The following ENPP1 variants were observed in gnomAD, a reference collection of about 807,000 sequenced individuals.
ENPP1 encodes the protein ectonucleotide pyrophosphatase/phosphodiesterase family member 1.
In ENPP1, 73 loss-of-function variants were observed where a neutral mutation model predicts 122.8. That is an observed-to-expected ratio of 0.59 (90% CI 0.49 to 0.72). ENPP1 has a LOEUF of 0.72. ENPP1 is among the 30% of genes least tolerant of loss of function. The pLI is 0.00. For missense variants in ENPP1, 978 were observed against 1,128.1 expected (o/e 0.87, Z 1.91); for synonymous variants, 367 against 391.6 (o/e 0.94, Z 0.74).
intron 14 of ENPP1, 95 bp from the exon 15 acceptor site, chr6:131,872,828 A>G (rs1340328640): frequency 1.6e-6 from 2 of 1,260,084 alleles, no homozygotes; most frequent in Non-Finnish European, 2.3e-6. Context: ...TATTAGGGAA[A>G]TATCTTTCCC....
chr6:131,884,934 T>G lies in ENPP1; in HGVS notation c.2315T>G (p.Ile772Arg). 6.2e-7 allele frequency: 1 copy of G among 1,614,174 alleles called. No homozygotes were observed. The highest frequency in any genetic ancestry group is 8.5e-7 in the Non-Finnish European group (1 of 1,180,008). The change falls in exon 23 of 25, where the codon ATA becomes AGA. Residue 772 changes from isoleucine to arginine, a missense_variant. Physicochemically the swap from Ile to Arg is moderately conservative, Grantham distance 97 (BLOSUM62 -3). Coordinates refer to ENST00000647893, the MANE Select transcript of ENPP1 (RefSeq NM_006208.3). ...IVPMYQSFQV[I>R]WRYFHDTLLR... ...ACTGGCTTCTATCTTGTTTCAGTTATATGGCGCTACTTTCATGACACCCTA... is the reference window on the plus strand; with the variant it reads ...ACTGGCTTCTATCTTGTTTCAGTTAGATGGCGCTACTTTCATGACACCCTA...
chr6:131,889,162 T>A (rs1321785081), intron 24 of ENPP1, among the ~76,000 whole-genome samples: 1 of 152,236 alleles, frequency 6.6e-6, no homozygotes, highest in African/African-American at 2.4e-5. Flanking sequence ...TCAAGACTTA[T>A]ATGTTAAATA....
At chr6:131,821,866 T>G (rs1230265511) in intron 1 of ENPP1, among the ~76,000 whole-genome samples, 3 of 152,174 alleles carry the variant, frequency 2.0e-5, no homozygotes, top group Non-Finnish European at 4.4e-5. Context: ...TACCAACGCT[T>G]TTTCAGGTGA....
At chr6:131,880,122 T>C in intron 20 of ENPP1, 88 bp downstream of exon 20, 1 of 1,351,178 alleles carries the variant, frequency 7.4e-7, no homozygotes, top group African/African-American at 1.4e-5. Context: ...CTGTTCACCT[T>C]GGCTTTATAC....
intron 1 of ENPP1, among the ~76,000 whole-genome samples, chr6:131,815,718 T>G (rs1042512151): frequency 4.6e-5 from 7 of 151,680 alleles, no homozygotes; most frequent in African/African-American, 1.7e-4. Flanking sequence ...TTTTTTTTTT[T>G]GAAACGGAGT....
In ENPP1 at chr6:131,890,222, G is replaced by A. The variant is rs538262933; in HGVS notation, c.2608-119G>A. The stretch of plus-strand genomic sequence containing the variant: ...GAGATGATGCCTAACAAATCATGTG[G>A]CACGTTCCACTTCAGAGCTGAAATC... On this transcript the variant is annotated intron_variant, in intron 24 of 24. Transcript: ENST00000647893. 2.4e-5 allele frequency: 19 copies of A among 804,056 alleles called. No homozygotes were observed. The East Asian group carries it at 3.7e-4, about 16-fold the overall frequency. The allele number at this position is 804,056 out of a possible 1,614,324, so 49.8% of individuals were successfully genotyped here. A position where few individuals can be genotyped will look rare whatever the true frequency, so the allele number is the denominator to read the frequency against.
intron 15 of ENPP1, 69 bp downstream of exon 15, chr6:131,873,119 C>T: frequency 2.6e-6 from 4 of 1,519,284 alleles, no homozygotes; most frequent in Non-Finnish European, 3.7e-6. Flanking sequence ...CCATTGGGCC[C>T]TTTCTAACAA....
intron 1 of ENPP1, among the ~76,000 whole-genome samples, chr6:131,815,692 TTATC>T (rs1254012961): frequency 2.0e-5 from 3 of 151,990 alleles, no homozygotes; most frequent in African/African-American, 7.2e-5. Context: ...ACAGAAATTT[TTATC>T]TATCAGCCTT....
intron 3 of ENPP1, 93 bp downstream of exon 3, chr6:131,850,199 C>A: frequency 1.1e-6 from 1 of 917,684 alleles, no homozygotes; most frequent in Non-Finnish European, 1.8e-6. Context: ...TTACCTAATT[C>A]ATTTGAATTT....
chr6:131,858,562 G>C (rs1442430801), intron 6 of ENPP1, 106 bp from the exon 7 acceptor site: 4 of 727,738 alleles, frequency 5.5e-6, no homozygotes, highest in Non-Finnish European at 7.3e-6. Context: ...ATCCCTCCTG[G>C]GCTAATTTTT....
chr6:131,831,974 T>C (rs1042239233), intron 1 of ENPP1, among the ~76,000 whole-genome samples: 1 of 152,218 alleles, frequency 6.6e-6, no homozygotes, highest in Non-Finnish European at 1.5e-5. Context: ...TTTTTCAGTA[T>C]GGAGTCATTA....
At position 131,861,775 on chromosome 6, in the gene ENPP1, T is replaced by C. The variant is rs62424483; in HGVS notation, c.1025+71T>C. On this transcript the variant is annotated intron_variant, in intron 9 of 24. Coordinates refer to ENST00000647893, the MANE Select transcript of ENPP1 (RefSeq NM_006208.3). ...TATTCTTATGTAATCTCCTTTTTAT[T>C]GAATCCTGAGCTTTAGCATTTGAGT... The C allele has an allele frequency of 0.034, 29,730 of 874,810 alleles. 792 individuals are homozygous for C. Among genetic ancestry groups the C allele is most frequent in the African/African-American group, 0.1 (6,111 of 60,764 alleles). 54.2% of individuals were successfully genotyped at this position (874,810 alleles called of 1,614,324 possible).
At chr6:131,824,814 A>G (rs1053030082) in intron 1 of ENPP1, among the ~76,000 whole-genome samples, 2 of 151,940 alleles carry the variant, frequency 1.3e-5, no homozygotes, top group African/African-American at 4.8e-5. Flanking sequence ...TAATCCCAGC[A>G]CTTTGGGAGG....
intron 6 of ENPP1, among the ~76,000 whole-genome samples, chr6:131,857,596 A>G: frequency 6.6e-6 from 1 of 151,368 alleles, no homozygotes; most frequent in Non-Finnish European, 1.5e-5. Context: ...TGGGAATTGA[A>G]CAATGAGATC....
chr6:131,808,090 G>T lies in ENPP1; in HGVS notation c.55G>T (p.Ala19Ser). 8.9e-7 allele frequency: 1 copy of T among 1,117,324 alleles called. No individual in the cohort carries two copies. Among genetic ancestry groups the T allele is most frequent in the Non-Finnish European group, 1.1e-6 (1 of 914,012 alleles). 69.2% of individuals were successfully genotyped at this position (1,117,324 alleles called of 1,614,324 possible). A position where few individuals can be genotyped will look rare whatever the true frequency, so the allele number is the denominator to read the frequency against. ...GGSRGGEGGRAPREGPAGNGR... is the reference protein window; with the variant it reads ...GGSRGGEGGRSPREGPAGNGR... Reference sequence around the variant, plus strand: ...GAGCCGCGGCGGCGAGGGCGGGCGCGCTCCCCGGGAGGGCCCGGCGGGGAA... The same window carrying T: ...GAGCCGCGGCGGCGAGGGCGGGCGCTCTCCCCGGGAGGGCCCGGCGGGGAA... The change falls in exon 1 of 25, where the codon GCT becomes TCT. Residue 19 changes from alanine to serine, a missense_variant. By Grantham distance (99) the Ala-to-Ser change is moderately conservative. This residue lies in a region of ENPP1 where 330 missense variants were observed against 328.5 expected (regional missense o/e 1.00). Coordinates refer to ENST00000647893, the MANE Select transcript of ENPP1 (RefSeq NM_006208.3).
intron 6 of ENPP1, among the ~76,000 whole-genome samples, chr6:131,856,482 T>C (rs1221570280): frequency 6.7e-6 from 1 of 149,370 alleles, no homozygotes; most frequent in East Asian, 1.9e-4. Flanking sequence ...GTGCAGAAGC[T>C]CTTTAGTTTA....
intron 1 of ENPP1, among the ~76,000 whole-genome samples, chr6:131,811,374 C>T (rs5880083): frequency 1.2e-5 from 1 of 86,956 alleles, no homozygotes; most frequent in East Asian, 2.5e-4. Flanking sequence ...ATATCTATAT[C>T]TATATATCTA....
intron 16 of ENPP1, among the ~76,000 whole-genome samples, 156 bp downstream of exon 16, chr6:131,874,493 T>C (rs185987921): frequency 2.6e-5 from 4 of 152,230 alleles, no homozygotes; most frequent in Admixed American, 2.0e-4. Context: ...TAAAGAATTT[T>C]GTTAAAGTTT....
intron 1 of ENPP1, among the ~76,000 whole-genome samples, chr6:131,824,315 C>T (rs1328325380): frequency 6.6e-6 from 1 of 151,868 alleles, no homozygotes; most frequent in Non-Finnish European, 1.5e-5. Context: ...GGGGAAAGGC[C>T]CTGGGAGAGG....
Sources: gnomAD v4.1 joint callset for allele counts (sites outside exome capture counted in the v4.1 genomes callset) on GRCh38, gnomAD v4.1.1 for gene constraint, gnomAD v4.1.1 regional missense constraint, MANE v1.5 for transcripts, NCBI Gene and HGNC (gene_info 2026-07-23, HGNC 2026-07-21) for gene names.